Variants in RBFOX1 observed in about 807,000 individuals in gnomAD.
RBFOX1 encodes the protein RNA binding protein fox-1 homolog 1.
A neutral mutation model predicts 57.7 loss-of-function variants in RBFOX1; 8 were observed. The ratio of observed to expected loss-of-function variants is 0.14; its 90% confidence interval spans 0.08 to 0.25. The LOEUF is 0.25. Ranked by LOEUF, RBFOX1 falls within the 10% of genes least tolerant of loss-of-function variation. RBFOX1 has a pLI of 1.00. For synonymous variants in RBFOX1, 326 were observed against 222.4 expected, an observed-to-expected ratio of 1.47 and a Z score of -4.15; for missense variants, 611 against 548.5, an observed-to-expected ratio of 1.11 and a Z score of -1.14.
intron 1 of RBFOX1, among the ~76,000 whole-genome samples, chr16:5,359,010 A>G (rs112801896): frequency 0.013 from 2,003 of 152,052 alleles, 55 homozygotes; most frequent in African/African-American, 0.046. Flanking sequence ...CTCTGTTTCC[A>G]TGAGTTCAAT....
intron 2 of RBFOX1, among the ~76,000 whole-genome samples, chr16:5,536,381 C>T (rs2044698986): frequency 1.3e-5 from 2 of 151,878 alleles, no homozygotes; most frequent in African/African-American, 2.4e-5. Context: ...ATTACAGGTG[C>T]CCGCCACCAT....
chr16:5,331,137 G>A (rs765699085), intron 1 of RBFOX1, among the ~76,000 whole-genome samples: 7 of 152,102 alleles, frequency 4.6e-5, no homozygotes, highest in East Asian at 1.9e-4. Context: ...TTTTTGGTCC[G>A]CTGTATAACT....
chr16:7,102,206 C>T (rs984439153), intron 4 of RBFOX1, among the ~76,000 whole-genome samples: 9 of 152,152 alleles, frequency 5.9e-5, no homozygotes, highest in Admixed American at 5.9e-4. Flanking sequence ...CAGGGGCATT[C>T]CCTGAGGAAA....
In RBFOX1 at chr16:5,723,660, G is replaced by A. The variant is rs145697602; in HGVS notation, c.318+124699G>A. On this transcript the variant is annotated intron_variant, in intron 3 of 19. Coordinates refer to the RBFOX1 transcript ENST00000641259. The stretch of plus-strand genomic sequence containing the variant: ...ATTTTGAGACCTTTGGTCTAAGGTC[G>A]AATAGTCAGCCCACAGGAATCTGTG... Among the ~76,000 whole-genome samples the A allele has an allele frequency of 4.6e-3, 693 of 152,068 alleles. 2 individuals carry two copies. The highest frequency in any genetic ancestry group is 0.014 in the Middle Eastern group (4 of 294).
In RBFOX1 at chr16:7,168,688, C is replaced by T. The variant is rs80078920; in HGVS notation, c.27+116590C>T. Among the ~76,000 whole-genome samples, 37 of 152,252 alleles carry T rather than the reference C, an allele frequency of 2.4e-4. 2 individuals carry two copies. The East Asian group carries it at 6.6e-3, about 27-fold the overall frequency. On this transcript the variant is annotated intron_variant, in intron 4 of 15. Transcript: ENST00000550418. ...CTTCTAGCCATAACTTCCTTTCCTT[C>T]CTGTTACAAATTTTCTTCCTAGATT...
chr16:6,523,830 G>GA (rs557500345), intron 2 of RBFOX1, among the ~76,000 whole-genome samples: 33 of 152,008 alleles, frequency 2.2e-4, no homozygotes, highest in African/African-American at 2.9e-4. Context: ...GATTTTCTTT[G>GA]AAAAAAATGT....
chr16:5,918,060 C>G (rs1444387171), intron 4 of RBFOX1, among the ~76,000 whole-genome samples: 3 of 152,164 alleles, frequency 2.0e-5, no homozygotes, highest in Middle Eastern at 3.2e-3. Flanking sequence ...TTCCATGTCC[C>G]AAGCACTCAG....
At chr16:6,117,847 A>T (rs374946944) in intron 1 of RBFOX1, among the ~76,000 whole-genome samples, 1 of 152,226 alleles carries the variant, frequency 6.6e-6, no homozygotes, top group Non-Finnish European at 1.5e-5. Context: ...TTTTTTATGT[A>T]TTCTACTTCC....
At chr16:7,094,774 GTGGGT>G (rs2061427750) in intron 4 of RBFOX1, among the ~76,000 whole-genome samples, 2 of 140,562 alleles carry the variant, frequency 1.4e-5, no homozygotes, top group East Asian at 2.0e-4. Context: ...GTGTGTGTGT[GTGGGT>G]GTGTGTGTGT....
chr16:6,450,781 A>G (rs1245360482), intron 2 of RBFOX1, among the ~76,000 whole-genome samples: 1 of 48,964 alleles, frequency 2.0e-5, no homozygotes, highest in African/African-American at 1.0e-4. Context: ...ATATATATAT[A>G]TATATATACA....
At chr16:5,678,371 G>A (rs1280986437) in intron 3 of RBFOX1, among the ~76,000 whole-genome samples, 3 of 152,152 alleles carry the variant, frequency 2.0e-5, no homozygotes, top group Admixed American at 1.3e-4. Flanking sequence ...ACAAGTATTC[G>A]TCCCAAGAAC....
At chr16:6,345,743 C>G (rs891333672) in intron 2 of RBFOX1, among the ~76,000 whole-genome samples, 1 of 152,178 alleles carries the variant, frequency 6.6e-6, no homozygotes, top group Non-Finnish European at 1.5e-5. Context: ...TAAGACTGGT[C>G]TCAGTTAATT....
At chr16:7,229,740 GAAGA>G (rs1380614192) in intron 4 of RBFOX1, among the ~76,000 whole-genome samples, 1 of 115,212 alleles carries the variant, frequency 8.7e-6, no homozygotes, top group Non-Finnish European at 1.8e-5. Flanking sequence ...GAGGGAGGGG[GAAGA>G]AGGAAGGGAG....
chr16:7,018,212 G>C (rs1009780964), intron 3 of RBFOX1, among the ~76,000 whole-genome samples: 1 of 152,066 alleles, frequency 6.6e-6, no homozygotes, highest in Non-Finnish European at 1.5e-5. Context: ...GTAACTACCT[G>C]AAGAAGGGGG....
chr16:6,878,774 G>C (rs959079595), intron 3 of RBFOX1, among the ~76,000 whole-genome samples: 1 of 152,144 alleles, frequency 6.6e-6, no homozygotes. Context: ...ACAATCTGCA[G>C]AAATTTTAAA....
intron 1 of RBFOX1, among the ~76,000 whole-genome samples, chr16:6,191,537 C>CTCAAATG (rs2097141870): frequency 6.6e-6 from 1 of 152,092 alleles, no homozygotes; most frequent in Non-Finnish European, 1.5e-5. Context: ...TATGAGTATA[C>CTCAAATG]CACTGAATGC....
At chr16:6,292,556 A>T (rs1476369690) in intron 1 of RBFOX1, among the ~76,000 whole-genome samples, 1 of 151,920 alleles carries the variant, frequency 6.6e-6, no homozygotes, top group African/African-American at 2.4e-5. Flanking sequence ...TGCCTTGTAG[A>T]TTTTTAGATA....
intron 1 of RBFOX1, among the ~76,000 whole-genome samples, chr16:6,296,231 G>C (rs145398218): frequency 3.9e-5 from 6 of 152,256 alleles, no homozygotes; most frequent in African/African-American, 1.4e-4. Context: ...TGACCTTGGT[G>C]CCAAGTTCAG....
rs537724567 is a variant in RBFOX1 at position 7,663,159 on chromosome 16, G to A, written c.891-1770G>A. Among the ~76,000 whole-genome samples, 3 of 152,310 alleles carry A rather than the reference G, an allele frequency of 2.0e-5. No individual in the cohort carries two copies. The South Asian group carries it at 6.2e-4, about 32-fold the overall frequency. ...GCTCCCTCTCTTTCATCAGACCTTGGCAGAGGGTGGCTCTGCCTTCTGACC... is the reference window on the plus strand; with the variant it reads ...GCTCCCTCTCTTTCATCAGACCTTGACAGAGGGTGGCTCTGCCTTCTGACC... On this transcript the variant is annotated intron_variant, in intron 12 of 15. Transcript: ENST00000550418.
Sources: allele counts gnomAD v4.1 joint callset (sites outside exome capture counted in the v4.1 genomes callset), GRCh38; gene constraint gnomAD v4.1.1; transcripts MANE v1.5; gene names NCBI Gene and HGNC (gene_info 2026-07-23, HGNC 2026-07-21).